The following BTBD3 variants were observed in gnomAD, a reference collection of about 807,000 sequenced individuals.
The protein encoded by BTBD3 is BTB/POZ domain-containing protein 3.
BTBD3 carries 14 observed loss-of-function variants against 41.6 expected under a neutral mutation model. The ratio of observed to expected loss-of-function variants is 0.34; its 90% confidence interval spans 0.22 to 0.53. BTBD3 has a LOEUF of 0.53. Among genes scored for constraint, BTBD3 ranks in the 20% least tolerant of loss-of-function variants. BTBD3 has a pLI of 0.95. For missense variants in BTBD3, 426 were observed against 654.7 expected, an observed-to-expected ratio of 0.65 and a Z score of 3.81; for synonymous variants, 249 against 233.7, an observed-to-expected ratio of 1.07 and a Z score of -0.60.
rs959771152 is a variant in BTBD3 at position 11,925,231 on chromosome 20, A to G, written c.*1565A>G. 1 of 152,690 alleles carries G rather than the reference A, an allele frequency of 6.5e-6. No individual in the cohort carries two copies. The highest frequency in any genetic ancestry group is 1.5e-5 in the Non-Finnish European group (1 of 68,080). The allele number at this position is 152,690 out of a possible 1,614,324, so 9.5% of individuals were successfully genotyped here. A position where few individuals can be genotyped will look rare whatever the true frequency, so the allele number is the denominator to read the frequency against. On this transcript the variant is annotated 3_prime_UTR_variant, in exon 4 of 4. Transcript: ENST00000378226. ...GTGCCTGCGCACCCATGCGCATGCA[A>G]GTGTGTTTGCCAGCTCAGGAGCTGT... is the stretch of plus-strand genomic sequence containing the variant.
chr20:11,917,490 C>T (rs1388479630), upstream of BTBD3, among the ~76,000 whole-genome samples: 1 of 152,138 alleles, frequency 6.6e-6, no homozygotes, highest in South Asian at 2.1e-4. Context: ...CTATTAATAG[C>T]CCTTTTCAGT....
intron 1 of BTBD3, among the ~76,000 whole-genome samples, chr20:11,897,752 T>C (rs1238203636): frequency 6.6e-6 from 1 of 152,232 alleles, no homozygotes; most frequent in Non-Finnish European, 1.5e-5. Context: ...ATTTTCCATC[T>C]GCTTAACATC....
chr20:11,903,292 A>G (rs980374086), intron 1 of BTBD3, among the ~76,000 whole-genome samples: 2 of 152,182 alleles, frequency 1.3e-5, no homozygotes, highest in Non-Finnish European at 2.9e-5. Flanking sequence ...TTAACAAATT[A>G]TCTTAAACAT....
chr20:11,906,127 T>G (rs920680691), intron 1 of BTBD3, among the ~76,000 whole-genome samples: 4 of 152,052 alleles, frequency 2.6e-5, no homozygotes, highest in Admixed American at 1.3e-4. Context: ...ACACTCTTAA[T>G]GGTTTTTAAA....
chr20:11,890,867 T>TC, exon 1 of BTBD3: 1 of 984,904 alleles, frequency 1.0e-6, no homozygotes, highest in South Asian at 4.7e-5. Flanking sequence ...GCGCTGGATC[T>TC]CCGAGTGCCC....
chr20:11,916,762 G>A (rs925139649), upstream of BTBD3, among the ~76,000 whole-genome samples: 4 of 152,162 alleles, frequency 2.6e-5, no homozygotes, highest in African/African-American at 7.2e-5. Flanking sequence ...GGGTGCATTT[G>A]CCTGAGGGGT....
chr20:11,917,424 G>A (rs1019558984), upstream of BTBD3, among the ~76,000 whole-genome samples: 2 of 152,192 alleles, frequency 1.3e-5, no homozygotes, highest in African/African-American at 2.4e-5. Context: ...CTCAAAAGAG[G>A]CTAAGAAAAA....
intron 1 of BTBD3, among the ~76,000 whole-genome samples, chr20:11,900,809 G>A (rs151297362): frequency 2.1e-3 from 314 of 150,276 alleles, no homozygotes; most frequent in African/African-American, 7.4e-3. Flanking sequence ...CTGGGTTCAC[G>A]CCTTTCTCCC....
chr20:11,890,907 C>A, exon 1 of BTBD3: 2 of 984,896 alleles, frequency 2.0e-6, no homozygotes, highest in Non-Finnish European at 2.4e-6. Context: ...GGGCACAGGG[C>A]AAGGCGGCGG....
At chr20:11,916,640 C>T (rs1174205286), upstream of BTBD3, among the ~76,000 whole-genome samples, 5 of 152,180 alleles carry the variant, frequency 3.3e-5, no homozygotes, top group Non-Finnish European at 5.9e-5. Flanking sequence ...CCGCCTTTAG[C>T]AGATTATTAA....
chr20:11,898,764 A>G (rs2056805927), intron 1 of BTBD3, among the ~76,000 whole-genome samples: 1 of 152,200 alleles, frequency 6.6e-6, no homozygotes, highest in Admixed American at 6.5e-5. Context: ...GCAAGGGAGA[A>G]GTTCAAGAAC....
upstream of BTBD3, among the ~76,000 whole-genome samples, chr20:11,913,065 T>G (rs1279062221): frequency 6.6e-6 from 1 of 152,202 alleles, no homozygotes; most frequent in Non-Finnish European, 1.5e-5. Context: ...CAGATTAAAC[T>G]ACTCTCCTCT....
chr20:11,917,241 G>A (rs2056924358), upstream of BTBD3, among the ~76,000 whole-genome samples: 1 of 152,092 alleles, frequency 6.6e-6, no homozygotes, highest in Non-Finnish European at 1.5e-5. Flanking sequence ...TACTTCTAGA[G>A]TTTATCTTAT....
chr20:11,905,118 T>G (rs1285367946), intron 1 of BTBD3, among the ~76,000 whole-genome samples: 1 of 152,224 alleles, frequency 6.6e-6, no homozygotes, highest in Non-Finnish European at 1.5e-5. Context: ...TAATCAAGGT[T>G]TCCAAATTCT....
At chr20:11,917,155 C>G (rs1409798476), upstream of BTBD3, among the ~76,000 whole-genome samples, 2 of 152,106 alleles carry the variant, frequency 1.3e-5, no homozygotes, top group Non-Finnish European at 2.9e-5. Flanking sequence ...GAACATGGCC[C>G]CATCTGAAAT....
At position 11,918,834 on chromosome 20, in the gene BTBD3, A is replaced by G. The variant is rs933683844; in HGVS notation, c.326+233A>G. The stretch of plus-strand genomic sequence containing the variant: ...CAAGTGACAGGGTTGTCTATGGGCC[A>G]TAGAAAATGGGAACCTTTTATTTGT... On this transcript the variant is annotated intron_variant, in intron 1 of 3. Coordinates refer to ENST00000378226, the MANE Select transcript of BTBD3 (RefSeq NM_014962.4). 14 of 574,812 alleles carry G rather than the reference A, an allele frequency of 2.4e-5. No homozygotes were observed. The Admixed American group carries it at 3.2e-4, about 13-fold the overall frequency. 35.6% of individuals were successfully genotyped at this position (574,812 alleles called of 1,614,324 possible).
intron 3 of BTBD3, among the ~76,000 whole-genome samples, 198 bp from the exon 4 acceptor site, chr20:11,922,436 A>T (rs944628458): frequency 2.0e-5 from 3 of 152,238 alleles, no homozygotes; most frequent in Admixed American, 6.5e-5. Context: ...ATCTTTAATT[A>T]TACAAACTTT....
intron 1 of BTBD3, among the ~76,000 whole-genome samples, chr20:11,908,270 T>G (rs2056867947): frequency 6.6e-6 from 1 of 151,124 alleles, no homozygotes. Flanking sequence ...CCTTGGATCT[T>G]GTATGAGTTC....
At chr20:11,893,259 G>A (rs769375170) in intron 1 of BTBD3, among the ~76,000 whole-genome samples, 18 of 152,034 alleles carry the variant, frequency 1.2e-4, no homozygotes, top group Non-Finnish European at 1.3e-4. Context: ...AATACCTTTA[G>A]GATTCCAGTG....
Sources: allele counts gnomAD v4.1 joint callset (sites outside exome capture counted in the v4.1 genomes callset), GRCh38; gene constraint gnomAD v4.1.1; transcripts MANE v1.5; gene names NCBI Gene and HGNC (gene_info 2026-07-23, HGNC 2026-07-21).